SLC45A4: variants seen among roughly 807,000 people sequenced by gnomAD.
SLC45A4 encodes solute carrier family 45 member 4, also known as polyamine-transporter SLC45A4.
SLC45A4 carries 32 observed loss-of-function variants against 63.7 expected under a neutral mutation model. The observed-to-expected ratio is 0.50, with a 90% CI of 0.38 to 0.67. The LOEUF is 0.67. Among genes scored for constraint, SLC45A4 ranks in the 30% least tolerant of loss-of-function variants. SLC45A4 has a pLI of 0.00. For missense variants in SLC45A4, 1,027 were observed against 1,157.7 expected (o/e 0.89, Z 1.64); for synonymous variants, 535 against 510.0 (o/e 1.05, Z -0.66).
chr8:141,282,959 A>G (rs868682886), intron 1 of SLC45A4, among the ~76,000 whole-genome samples: 1 of 152,214 alleles, frequency 6.6e-6, no homozygotes, highest in African/African-American at 2.4e-5. Context: ...CCTAGCGGAG[A>G]CGTGCACAGA....
At chr8:141,249,934 C>T (rs537203121) in intron 2 of SLC45A4, among the ~76,000 whole-genome samples, 1 of 152,186 alleles carries the variant, frequency 6.6e-6, no homozygotes, top group Non-Finnish European at 1.5e-5. Flanking sequence ...ATGATTCCTG[C>T]TCTCCTGCTG....
At chr8:141,228,718 A>C (rs1246867869) in intron 2 of SLC45A4, 1 of 735,476 alleles carries the variant, frequency 1.4e-6, no homozygotes, top group Non-Finnish European at 1.7e-6. Context: ...AAGAGCACAA[A>C]ATGCAGGTCA....
chr8:141,284,771 A>G (rs1830077785), intron 1 of SLC45A4, among the ~76,000 whole-genome samples: 1 of 152,050 alleles, frequency 6.6e-6, no homozygotes, highest in Admixed American at 6.5e-5. Flanking sequence ...TCCCATGAAG[A>G]AGGACTGAAG....
intron 2 of SLC45A4, among the ~76,000 whole-genome samples, chr8:141,249,628 C>A (rs1828373028): frequency 6.6e-6 from 1 of 152,130 alleles, no homozygotes; most frequent in African/African-American, 2.4e-5. Context: ...TGGTGGCAGC[C>A]ACACCACTGT....
chr8:141,274,116 C>A (rs912555945), intron 1 of SLC45A4, among the ~76,000 whole-genome samples: 2 of 152,042 alleles, frequency 1.3e-5, no homozygotes, highest in Admixed American at 1.3e-4. Context: ...ATAGTCCCAG[C>A]TACTCTGGAG....
intron 1 of SLC45A4, among the ~76,000 whole-genome samples, chr8:141,255,257 A>T (rs1054139870): frequency 4.7e-5 from 7 of 149,420 alleles, no homozygotes; most frequent in African/African-American, 1.8e-4. Context: ...ACACCCAGCT[A>T]ATTTTTCTAG....
chr8:141,228,284 C>G (rs753821595), intron 2 of SLC45A4: 1 of 1,612,248 alleles, frequency 6.2e-7, no homozygotes, highest in African/African-American at 1.3e-5. Flanking sequence ...GCTGTCCCTG[C>G]CGCCCTGTGC....
At chr8:141,282,414 A>C (rs1218455767) in intron 1 of SLC45A4, among the ~76,000 whole-genome samples, 1 of 152,130 alleles carries the variant, frequency 6.6e-6, no homozygotes, top group Admixed American at 6.5e-5. Flanking sequence ...AGTCAAGCTC[A>C]CCCGCTGGGC....
intron 1 of SLC45A4, among the ~76,000 whole-genome samples, chr8:141,292,505 G>A (rs139440404): frequency 2.2e-4 from 33 of 152,344 alleles, no homozygotes; most frequent in East Asian, 1.9e-3. Flanking sequence ...GTCCCTCCTC[G>A]GAAGGCTGCG....
chr8:141,231,293 C>T (rs1827335086), intron 2 of SLC45A4, among the ~76,000 whole-genome samples: 2 of 152,180 alleles, frequency 1.3e-5, no homozygotes, highest in Admixed American at 1.3e-4. Flanking sequence ...CCAGAGGCAG[C>T]AGGGACCCCT....
chr8:141,248,242 T>C (rs1828308194), intron 2 of SLC45A4, among the ~76,000 whole-genome samples: 1 of 152,170 alleles, frequency 6.6e-6, no homozygotes, highest in Non-Finnish European at 1.5e-5. Context: ...TCATCAAAAT[T>C]TAAAACTTTT....
intron 1 of SLC45A4, among the ~76,000 whole-genome samples, chr8:141,269,990 G>A (rs756488937): frequency 7.2e-5 from 11 of 151,924 alleles, no homozygotes; most frequent in Non-Finnish European, 1.3e-4. Context: ...CATATGGGGC[G>A]GCCTGGCCCA....
At position 141,228,513 on chromosome 8, in the gene SLC45A4, T is replaced by G; in HGVS notation, c.242-6748A>C. ...TTCACTGGCAGGCACCTGTCTTCAC[T>G]GGCCAGCTCCTCGGGCAGGCACTCC... On this transcript the variant is annotated intron_variant, in intron 2 of 8. Transcript: ENST00000517878. 11 of 1,316,018 alleles carry G rather than the reference T, an allele frequency of 8.4e-6. 1 individual carries two copies. The highest frequency in any genetic ancestry group is 9.8e-6 in the Non-Finnish European group (10 of 1,025,000). 81.5% of individuals were successfully genotyped at this position (1,316,018 alleles called of 1,614,324 possible).
Position 141,215,921 on chromosome 8 carries a change from G to T in SLC45A4, c.1779C>A (p.Ile593=). 2 of 1,614,126 alleles carry T rather than the reference G, an allele frequency of 1.2e-6. No individual in the cohort carries two copies. Among genetic ancestry groups the T allele is most frequent in the Non-Finnish European group, 1.7e-6 (2 of 1,180,012 alleles). The change falls in exon 7 of 9, where the codon ATC becomes ATA. Residue 593 remains isoleucine (I), a synonymous_variant. Transcript: ENST00000517878. This position sits in a 1 kb window ranked among gnomAD's most constrained non-coding sequence, Gnocchi z 4.3. ...LDNYDLSVRV[I]YVLGTLGFSV... ...AGAAGCCCAGCGTCCCCAGCACGTAGATCACCCTGACGCTCAGGTCGTAGT... is the reference window on the plus strand; with the variant it reads ...AGAAGCCCAGCGTCCCCAGCACGTATATCACCCTGACGCTCAGGTCGTAGT...
intron 1 of SLC45A4, among the ~76,000 whole-genome samples, chr8:141,302,687 G>A (rs775666367): frequency 6.6e-6 from 1 of 152,152 alleles, no homozygotes; most frequent in Non-Finnish European, 1.5e-5. Flanking sequence ...TTGCTTGACA[G>A]CAATGTAACT....
intron 2 of SLC45A4, among the ~76,000 whole-genome samples, chr8:141,248,877 C>T (rs1355879695): frequency 6.6e-6 from 1 of 151,342 alleles, no homozygotes; most frequent in African/African-American, 2.4e-5. Context: ...ATTAGATGGG[C>T]GTGGTGGTGC....
intron 2 of SLC45A4, chr8:141,230,088 A>G (rs1279979057): frequency 2.2e-6 from 1 of 456,298 alleles, no homozygotes; most frequent in Non-Finnish European, 4.4e-6. Flanking sequence ...CTCTCGGTAA[A>G]TGAATTACAT....
chr8:141,300,725 T>G (rs1004418261), intron 1 of SLC45A4, among the ~76,000 whole-genome samples: 6 of 152,258 alleles, frequency 3.9e-5, no homozygotes, highest in African/African-American at 1.4e-4. Context: ...TAACACACCT[T>G]TCTGTCAAAT....
chr8:141,290,204 A>AT lies in SLC45A4; in HGVS notation c.-401+17891dup, dbSNP rs953921009. 7.2e-5 allele frequency among the ~76,000 whole-genome samples: 11 copies of AT among 152,022 alleles called. No homozygotes were observed. In the East Asian group the frequency reaches 2.1e-3, roughly 29 times the overall value. On this transcript the variant is annotated intron_variant, in intron 1 of 8. Transcript: ENST00000517878. ...CACTGCACTGTATATAAAGGAATCT[A>AT]TTTTTTTTAAGTGCGTGGTGCACAT...
Sources: gnomAD v4.1 joint callset for allele counts (sites outside exome capture counted in the v4.1 genomes callset) on GRCh38, gnomAD v4.1.1 for gene constraint, Gnocchi (gnomAD v3.1) non-coding constraint, MANE v1.5 for transcripts, NCBI Gene and HGNC (gene_info 2026-07-23, HGNC 2026-07-21) for gene names.